The following PDE3A variants were observed in gnomAD, a reference collection of about 807,000 sequenced individuals.
PDE3A encodes phosphodiesterase 3A.
Under a neutral mutation model 98.3 loss-of-function variants are expected in PDE3A, and 43 were observed. That is an observed-to-expected ratio of 0.44 (90% CI 0.34 to 0.56). The LOEUF is 0.56. Among genes scored for constraint, PDE3A ranks in the 20% least tolerant of loss-of-function variants. The pLI is 0.01. For synonymous variants in PDE3A, 663 were observed against 567.9 expected, an observed-to-expected ratio of 1.17 and a Z score of -2.38; for missense variants, 1,427 against 1,440.7, an observed-to-expected ratio of 0.99 and a Z score of 0.15.
intron 1 of PDE3A, among the ~76,000 whole-genome samples, chr12:20,374,201 G>A (rs142267879): frequency 6.6e-6 from 1 of 152,148 alleles, no homozygotes; most frequent in African/African-American, 2.4e-5. Context: ...TGAAGGAAAA[G>A]AATTTTTTGT....
intron 1 of PDE3A, among the ~76,000 whole-genome samples, chr12:20,520,507 C>T (rs1452556484): frequency 6.6e-6 from 1 of 152,124 alleles, no homozygotes; most frequent in African/African-American, 2.4e-5. Context: ...AGCCAAAAGA[C>T]ACATGCAGAT....
chr12:20,456,622 TA>T (rs1945156507), intron 1 of PDE3A, among the ~76,000 whole-genome samples: 2 of 152,142 alleles, frequency 1.3e-5, no homozygotes, highest in South Asian at 4.1e-4. Context: ...AATGTGGTAA[TA>T]AAGAATTATT....
intron 1 of PDE3A, among the ~76,000 whole-genome samples, chr12:20,491,566 G>T (rs1213394260): frequency 1.3e-5 from 2 of 152,140 alleles, no homozygotes; most frequent in Non-Finnish European, 2.9e-5. Flanking sequence ...GGCCAGTTTG[G>T]TCACTAGGGG....
chr12:20,659,383 G>T (rs1033595607), intron 15 of PDE3A, among the ~76,000 whole-genome samples: 1 of 152,088 alleles, frequency 6.6e-6, no homozygotes, highest in African/African-American at 2.4e-5. Context: ...CTTCCACAAA[G>T]ATGTTGGCAG....
intron 1 of PDE3A, among the ~76,000 whole-genome samples, chr12:20,493,888 C>G (rs897484035): frequency 1.3e-5 from 2 of 152,230 alleles, no homozygotes; most frequent in South Asian, 2.1e-4. Context: ...CCTCGACCTC[C>G]CAAAGTGTTG....
At chr12:20,546,086 G>A (rs931539239) in intron 1 of PDE3A, among the ~76,000 whole-genome samples, 13 of 151,942 alleles carry the variant, frequency 8.6e-5, no homozygotes, top group Non-Finnish European at 1.6e-4. Context: ...CTTCTAGTTT[G>A]TAAATTATGA....
chr12:20,625,347 G>A (rs894765599), intron 5 of PDE3A, among the ~76,000 whole-genome samples: 4 of 152,062 alleles, frequency 2.6e-5, no homozygotes, highest in Non-Finnish European at 5.9e-5. Flanking sequence ...TGAATTTATC[G>A]TTACTGTATT....
intron 1 of PDE3A, among the ~76,000 whole-genome samples, chr12:20,455,004 G>A (rs1231078964): frequency 6.6e-6 from 1 of 152,120 alleles, no homozygotes; most frequent in Non-Finnish European, 1.5e-5. Context: ...GAGATTTCTG[G>A]GTTGAATGGT....
At chr12:20,405,736 T>C (rs1944220807) in intron 1 of PDE3A, among the ~76,000 whole-genome samples, 1 of 151,936 alleles carries the variant, frequency 6.6e-6, no homozygotes, top group African/African-American at 2.4e-5. Flanking sequence ...AGTTAGGGGG[T>C]GGTGGCGACC....
At chr12:20,562,467 C>G (rs1343068687) in intron 2 of PDE3A, among the ~76,000 whole-genome samples, 1 of 151,716 alleles carries the variant, frequency 6.6e-6, no homozygotes, top group Non-Finnish European at 1.5e-5. Flanking sequence ...ATCCGCCTGC[C>G]TCGGCCTCCC....
At position 20,613,705 on chromosome 12, in the gene PDE3A, G is replaced by C; in HGVS notation, c.1269+5G>C. On this transcript the variant is annotated splice_donor_5th_base_variant and intron_variant, in intron 3 of 15. Coordinates refer to ENST00000359062, the MANE Select transcript of PDE3A (RefSeq NM_000921.5). ...GACAAGCTTGCTATTCCAAAGGTAGGTAGTAATGACATACCCCTTAAAGGG... is the reference window on the plus strand; with the variant it reads ...GACAAGCTTGCTATTCCAAAGGTAGCTAGTAATGACATACCCCTTAAAGGG... 6.2e-7 allele frequency: 1 copy of C among 1,612,540 alleles called. No individual in the cohort carries two copies. The highest frequency in any genetic ancestry group is 1.3e-5 in the African/African-American group (1 of 74,996).
At chr12:20,677,649 C>T (rs1451843045) in intron 15 of PDE3A, among the ~76,000 whole-genome samples, 1 of 151,926 alleles carries the variant, frequency 6.6e-6, no homozygotes, top group African/African-American at 2.4e-5. Flanking sequence ...TTAGTAGAGA[C>T]GGGGTTTTAC....
At chr12:20,468,743 T>G (rs1591963634) in intron 1 of PDE3A, among the ~76,000 whole-genome samples, 1 of 152,216 alleles carries the variant, frequency 6.6e-6, no homozygotes, top group African/African-American at 2.4e-5. Flanking sequence ...AAGAATTGTT[T>G]GTTCACTGGA....
At position 20,683,190 on chromosome 12, in the gene PDE3A, G is replaced by C. The variant is rs967563405; in HGVS notation, c.*2919G>C. The C allele has an allele frequency of 6.6e-6, 1 of 152,182 alleles. No individual in the cohort carries two copies. Among genetic ancestry groups the C allele is most frequent in the African/African-American group, 2.4e-5 (1 of 41,438 alleles). 9.4% of individuals were successfully genotyped at this position (152,182 alleles called of 1,614,324 possible). On this transcript the variant is annotated 3_prime_UTR_variant, in exon 16 of 16. Coordinates refer to ENST00000359062, the MANE Select transcript of PDE3A (RefSeq NM_000921.5). ...AGTTTGTGACTTTCATACACACCCAGTACATCTCAAAGGATGCTAAGGGAC... is the reference window on the plus strand; with the variant it reads ...AGTTTGTGACTTTCATACACACCCACTACATCTCAAAGGATGCTAAGGGAC...
chr12:20,378,721 G>C (rs1943614948), intron 1 of PDE3A, among the ~76,000 whole-genome samples: 1 of 151,666 alleles, frequency 6.6e-6, no homozygotes, highest in African/African-American at 2.4e-5. Context: ...ACACACATCT[G>C]TTTCTTGAAA....
At chr12:20,641,450 A>C (rs1225691650) in intron 10 of PDE3A, among the ~76,000 whole-genome samples, 9 of 152,160 alleles carry the variant, frequency 5.9e-5, no homozygotes, top group Non-Finnish European at 1.3e-4. Context: ...CGATTTCTCG[A>C]AGGTCAAGGA....
chr12:20,613,631 G>A lies in PDE3A; in HGVS notation c.1200G>A (p.Ser400=), dbSNP rs1260189503. 6 of 1,613,268 alleles carry A rather than the reference G, an allele frequency of 3.7e-6. No homozygotes were observed. Among genetic ancestry groups the A allele is most frequent in the South Asian group, 2.2e-5 (2 of 91,062 alleles). Reference sequence around the variant, plus strand: ...AGCCCAGAGTGAATCCCGTCACTTCGCTCAGTGAAAACTATACCTGTTCTG... The same window carrying A: ...AGCCCAGAGTGAATCCCGTCACTTCACTCAGTGAAAACTATACCTGTTCTG... ...IHKPRVNPVT[S]LSENYTCSDS... Residue 400 remains serine, a synonymous_variant, in exon 3 of 16, where the codon TCG becomes TCA. Transcript: ENST00000359062.
intron 15 of PDE3A, among the ~76,000 whole-genome samples, chr12:20,666,983 T>C (rs1945331110): frequency 6.6e-6 from 1 of 152,240 alleles, no homozygotes; most frequent in Non-Finnish European, 1.5e-5. Context: ...TGGGGTAAGA[T>C]GATATCTCAT....
At chr12:20,588,535 C>G (rs1047364723) in intron 2 of PDE3A, among the ~76,000 whole-genome samples, 4 of 152,174 alleles carry the variant, frequency 2.6e-5, no homozygotes, top group Admixed American at 1.3e-4. Flanking sequence ...CCTGAAGGGT[C>G]TAGCATGGCA....
Sources: gnomAD v4.1 joint callset for allele counts (sites outside exome capture counted in the v4.1 genomes callset) on GRCh38, gnomAD v4.1.1 for gene constraint, MANE v1.5 for transcripts, NCBI Gene and HGNC (gene_info 2026-07-23, HGNC 2026-07-21) for gene names.